HIBCH: variants seen among roughly 807,000 people sequenced by gnomAD.
HIBCH encodes 3-hydroxyisobutyryl-CoA hydrolase.
A neutral mutation model predicts 58.2 loss-of-function variants in HIBCH; 50 were observed. The ratio of observed to expected loss-of-function variants is 0.86; its 90% CI spans 0.68 to 1.09. The LOEUF (loss-of-function observed/expected upper bound fraction) is 1.09. HIBCH is among the 50% of genes least tolerant of loss of function. The pLI, the probability that HIBCH is intolerant of heterozygous loss-of-function variation, is 0.00. For synonymous variants in HIBCH, 151 were observed against 146.9 expected, an observed-to-expected ratio of 1.03 and a Z score of -0.20; for missense variants, 450 against 449.7, an observed-to-expected ratio of 1.00 and a Z score of -0.01.
chr2:190,267,961 A>T (rs1365780585), intron 6 of HIBCH, among the ~76,000 whole-genome samples: 3 of 152,168 alleles, frequency 2.0e-5, no homozygotes, highest in Admixed American at 2.0e-4. Flanking sequence ...TAGCCTGAAC[A>T]CCTACCAGAA....
Position 190,214,949 on chromosome 2 carries a change from TG to T in HIBCH, c.892-1875del, listed in dbSNP as rs1690595951. ...ACATTGAGAATTTCCCTATTTCTTCTGAACAGTAGACGTCTAATAAGTACTC... is the reference window on the plus strand; with the variant it reads ...ACATTGAGAATTTCCCTATTTCTTCTAACAGTAGACGTCTAATAAGTACTC... On this transcript the variant is annotated intron_variant, in intron 11 of 13. Coordinates refer to ENST00000359678, the MANE Select transcript of HIBCH (RefSeq NM_014362.4). The surrounding 1 kb of genome is among the most constrained non-coding windows in gnomAD (Gnocchi z 5.5). 1 of 152,254 alleles carries T rather than the reference TG, an allele frequency of 6.6e-6. No individual in the cohort carries two copies. The highest frequency in any genetic ancestry group is 1.5e-5 in the Non-Finnish European group (1 of 68,056). 9.4% of individuals were successfully genotyped at this position (152,254 alleles called of 1,614,324 possible).
chr2:190,317,984 C>G (rs291464), intron 1 of HIBCH, among the ~76,000 whole-genome samples: 83,629 of 151,370 alleles, frequency 0.55, 24,032 homozygotes, highest in South Asian at 0.61. Flanking sequence ...CCACCACACC[C>G]AGCTAATTTT....
At chr2:190,195,300 T>C (rs897937863) in intron 1 of HIBCH, among the ~76,000 whole-genome samples, 1 of 152,226 alleles carries the variant, frequency 6.6e-6, no homozygotes, top group African/African-American at 2.4e-5. Flanking sequence ...ATGCAGATTT[T>C]TGCATGGATT....
At chr2:190,291,674 A>T (rs1264926356) in intron 4 of HIBCH, among the ~76,000 whole-genome samples, 1 of 152,206 alleles carries the variant, frequency 6.6e-6, no homozygotes, top group East Asian at 1.9e-4. Context: ...TGGCTTAAAA[A>T]ACAAATGCTC....
Position 190,287,519 on chromosome 2 carries a change from TAATA to T in HIBCH, c.438+63_438+66del. 6 of 1,013,948 alleles carry T rather than the reference TAATA, an allele frequency of 5.9e-6. No homozygotes were observed. In the South Asian group the frequency reaches 8.0e-5, roughly 13 times the overall value. 62.8% of individuals were successfully genotyped at this position (1,013,948 alleles called of 1,614,324 possible). The stretch of plus-strand genomic sequence containing the variant: ...TTACATTCATCAGCTCACTTCTGTT[TAATA>T]ATTATTAACTTATTTTTAATACAAC... On this transcript the variant is annotated intron_variant, in intron 6 of 13. Coordinates refer to ENST00000359678, the MANE Select transcript of HIBCH (RefSeq NM_014362.4).
intron 1 of HIBCH, among the ~76,000 whole-genome samples, chr2:190,196,241 C>G (rs966916239): frequency 6.6e-6 from 1 of 151,848 alleles, no homozygotes; most frequent in Non-Finnish European, 1.5e-5. Flanking sequence ...AGTGGCTGCT[C>G]TATGTTTTAA....
chr2:190,239,894 C>T (rs1245572966), intron 11 of HIBCH, among the ~76,000 whole-genome samples: 1 of 152,180 alleles, frequency 6.6e-6, no homozygotes, highest in Non-Finnish European at 1.5e-5. Flanking sequence ...GAGTGATCTG[C>T]CCGCTTCGGC....
Position 190,254,245 on chromosome 2 carries a change from G to A in HIBCH, c.518-1938C>T, listed in dbSNP as rs938368000. 6.6e-6 allele frequency among the ~76,000 whole-genome samples: 1 copy of A among 152,052 alleles called. No homozygotes were observed. The highest frequency in any genetic ancestry group is 1.5e-5 in the Non-Finnish European group (1 of 68,012). ...AAGTTTAAGTGAGGTCATAAGGGTG[G>A]GGTCCTAATCCAACAGGACTGGTGT... is the stretch of plus-strand genomic sequence containing the variant. On this transcript the variant is annotated intron_variant, in intron 7 of 13. Transcript: ENST00000359678. This position sits in a 1 kb window ranked among gnomAD's most constrained non-coding sequence, Gnocchi z 5.0.
In HIBCH at chr2:190,205,068, T is replaced by C. The variant is rs2105894765; in HGVS notation, c.*49A>G. 2.0e-6 allele frequency: 2 copies of C among 995,236 alleles called. No homozygotes were observed. The highest frequency in any genetic ancestry group is 2.4e-5 in the East Asian group (1 of 41,250). 61.7% of individuals were successfully genotyped at this position (995,236 alleles called of 1,614,324 possible). The stretch of plus-strand genomic sequence containing the variant: ...AGCAGGCTGGATTTGGCCCACATGC[T>C]GTAGATTGCCAACCCATGCTACAAA... On this transcript the variant is annotated 3_prime_UTR_variant, in exon 14 of 14. Coordinates refer to ENST00000359678, the MANE Select transcript of HIBCH (RefSeq NM_014362.4).
intron 6 of HIBCH, among the ~76,000 whole-genome samples, chr2:190,276,514 G>C (rs1243640277): frequency 2.0e-5 from 3 of 152,172 alleles, no homozygotes; most frequent in African/African-American, 4.8e-5. Flanking sequence ...CCTCATGAAT[G>C]GCTTGGTACA....
intron 1 of HIBCH, among the ~76,000 whole-genome samples, chr2:190,194,475 T>TATAC (rs1431951754): frequency 3.9e-5 from 5 of 126,820 alleles, no homozygotes; most frequent in Non-Finnish European, 8.1e-5. Flanking sequence ...GTATCCTGTG[T>TATAC]ATACACACAC....
chr2:190,245,247 T>C (rs1686572227), intron 10 of HIBCH: 5 of 366,634 alleles, frequency 1.4e-5, no homozygotes, highest in South Asian at 1.1e-4. Flanking sequence ...AAATCGATGC[T>C]TCTAAATTGT....
chr2:190,263,536 A>G (rs944788602), intron 6 of HIBCH, among the ~76,000 whole-genome samples: 8 of 152,184 alleles, frequency 5.3e-5, no homozygotes, highest in Non-Finnish European at 2.9e-5. Context: ...GTCTACATGC[A>G]TTCCCTAGGA....
chr2:190,258,206 A>T (rs1575730124), intron 7 of HIBCH, among the ~76,000 whole-genome samples: 2 of 152,168 alleles, frequency 1.3e-5, no homozygotes, highest in Admixed American at 1.3e-4. Context: ...CAGCCACGTG[A>T]AGATGCACTT....
In HIBCH at chr2:190,204,159, A is replaced by G. The variant is rs796206378; in HGVS notation, c.*958T>C. The G allele has an allele frequency of 3.3e-5, 5 of 152,198 alleles. No homozygotes were observed. Among genetic ancestry groups the G allele is most frequent in the African/African-American group, 1.2e-4 (5 of 41,574 alleles). The allele number at this position is 152,198 out of a possible 1,614,324, so 9.4% of individuals were successfully genotyped here. Reference sequence around the variant, plus strand: ...ACCTTTTAGTTCTTTCATACCTTAAAAAGTACTTACTTCATTAACAATATC... The same window carrying G: ...ACCTTTTAGTTCTTTCATACCTTAAGAAGTACTTACTTCATTAACAATATC... On this transcript the variant is annotated 3_prime_UTR_variant, in exon 14 of 14. Transcript: ENST00000359678.
chr2:190,212,616 A>C (rs1318754925), intron 12 of HIBCH, among the ~76,000 whole-genome samples: 1 of 152,180 alleles, frequency 6.6e-6, no homozygotes, highest in East Asian at 1.9e-4. Context: ...TCATTTTACC[A>C]ATGAGGGAAT....
intron 7 of HIBCH, among the ~76,000 whole-genome samples, chr2:190,258,967 C>T (rs532317547): frequency 4.7e-4 from 71 of 152,178 alleles, no homozygotes; most frequent in African/African-American, 1.5e-3. Context: ...CTATTCTTTT[C>T]CAGTGGTCTA....
At chr2:190,305,619 G>A (rs1352501318) in intron 2 of HIBCH, among the ~76,000 whole-genome samples, 1 of 152,066 alleles carries the variant, frequency 6.6e-6, no homozygotes, top group Non-Finnish European at 1.5e-5. Flanking sequence ...TCCAACATAT[G>A]AATTTTGGGG....
Position 190,244,982 on chromosome 2 carries a change from A to G in HIBCH, c.810-14T>C. 6.7e-7 allele frequency: 1 copy of G among 1,498,438 alleles called. No homozygotes were observed. Among genetic ancestry groups the G allele is most frequent in the South Asian group, 1.1e-5 (1 of 88,756 alleles). The allele number at this position is 1,498,438 out of a possible 1,614,324, so 92.8% of individuals were successfully genotyped here. A position where few individuals can be genotyped will look rare whatever the true frequency, so the allele number is the denominator to read the frequency against. ...GCTGAAAAACAACTATAAAAAAAGG[A>G]AATGTGATTTCACCAATGTGTAAGT... On this transcript the variant is annotated splice_polypyrimidine_tract_variant and intron_variant, in intron 10 of 13. Coordinates refer to ENST00000359678, the MANE Select transcript of HIBCH (RefSeq NM_014362.4).
Sources: allele counts gnomAD v4.1 joint callset (sites outside exome capture counted in the v4.1 genomes callset), GRCh38; gene constraint gnomAD v4.1.1; non-coding constraint Gnocchi (gnomAD v3.1); transcripts MANE v1.5; gene names NCBI Gene and HGNC (gene_info 2026-07-23, HGNC 2026-07-21).